The following NKAIN2 variants were observed in gnomAD, a reference collection of about 807,000 sequenced individuals.
NKAIN2 encodes sodium/potassium transporting ATPase interacting 2, also known as sodium/potassium-transporting ATPase subunit beta-1-interacting protein 2.
In NKAIN2, 14 loss-of-function variants were observed where a neutral mutation model predicts 32.6. That is an observed-to-expected ratio of 0.43 (90% confidence interval 0.28 to 0.67). The LOEUF is 0.67. Ranked by LOEUF, NKAIN2 falls within the 30% of genes least tolerant of loss-of-function variation. The pLI, the probability that NKAIN2 is intolerant of heterozygous loss-of-function variation, is 0.17. For missense variants in NKAIN2, 198 were observed against 258.3 expected, an observed-to-expected ratio of 0.77 and a Z score of 1.60; for synonymous variants, 80 against 87.2, an observed-to-expected ratio of 0.92 and a Z score of 0.46.
At chr6:124,064,331 T>C (rs1296673213) in intron 1 of NKAIN2, among the ~76,000 whole-genome samples, 1 of 152,170 alleles carries the variant, frequency 6.6e-6, no homozygotes, top group African/African-American at 2.4e-5. Context: ...TTTGTGCTTT[T>C]GCTAAAAAAA....
chr6:124,358,254 A>G (rs1244990805), intron 3 of NKAIN2, among the ~76,000 whole-genome samples: 2 of 152,134 alleles, frequency 1.3e-5, no homozygotes, highest in African/African-American at 2.4e-5. Flanking sequence ...ATGTGTCTTT[A>G]TAGCAGCATG....
At chr6:124,718,712 C>T (rs1269124714) in intron 4 of NKAIN2, among the ~76,000 whole-genome samples, 2 of 152,140 alleles carry the variant, frequency 1.3e-5, no homozygotes, top group African/African-American at 4.8e-5. Context: ...TTCTCTGAGC[C>T]TCGGTTTTTT....
chr6:124,494,766 G>A (rs1008729705), intron 3 of NKAIN2, among the ~76,000 whole-genome samples: 4 of 151,966 alleles, frequency 2.6e-5, no homozygotes, highest in African/African-American at 4.8e-5. Context: ...TGTTTAAGTC[G>A]ATGCCTATTT....
At chr6:124,030,379 T>C (rs1232645269) in intron 1 of NKAIN2, among the ~76,000 whole-genome samples, 20 of 152,286 alleles carry the variant, frequency 1.3e-4, no homozygotes, top group East Asian at 1.9e-4. Flanking sequence ...AGATGTTCCA[T>C]TGCCTCCATA....
intron 1 of NKAIN2, among the ~76,000 whole-genome samples, chr6:124,185,997 A>G (rs1789707075): frequency 7.1e-6 from 1 of 141,290 alleles, no homozygotes; most frequent in East Asian, 1.9e-4. Flanking sequence ...AGAAGCTCGG[A>G]AAAAAGAAAA....
At chr6:124,030,500 A>G (rs753903594) in intron 1 of NKAIN2, among the ~76,000 whole-genome samples, 65 of 152,294 alleles carry the variant, frequency 4.3e-4, no homozygotes, top group Non-Finnish European at 8.2e-4. Flanking sequence ...CTTACTATGT[A>G]GAATGCAAAA....
chr6:124,042,143 T>C (rs1288266896), intron 1 of NKAIN2, among the ~76,000 whole-genome samples: 1 of 152,128 alleles, frequency 6.6e-6, no homozygotes, highest in Non-Finnish European at 1.5e-5. Flanking sequence ...CTTCAAATTG[T>C]GTCTTAATAA....
At chr6:123,841,329 T>C (rs1015679179) in intron 1 of NKAIN2, among the ~76,000 whole-genome samples, 1 of 152,206 alleles carries the variant, frequency 6.6e-6, no homozygotes, top group African/African-American at 2.4e-5. Flanking sequence ...CAAAGTAAAC[T>C]GGCCTAACAT....
At chr6:124,363,161 T>C (rs998960531) in intron 3 of NKAIN2, among the ~76,000 whole-genome samples, 2 of 152,126 alleles carry the variant, frequency 1.3e-5, no homozygotes, top group Admixed American at 6.6e-5. Context: ...ACTACTAAAA[T>C]CCTTATAAAT....
chr6:124,751,577 GC>G (rs1453791928), intron 4 of NKAIN2, among the ~76,000 whole-genome samples: 1 of 151,886 alleles, frequency 6.6e-6, no homozygotes, highest in Non-Finnish European at 1.5e-5. Flanking sequence ...TTATCATAGT[GC>G]AGCTCAGCAG....
intron 1 of NKAIN2, among the ~76,000 whole-genome samples, chr6:124,073,542 T>C (rs1388420348): frequency 6.6e-6 from 1 of 152,130 alleles, no homozygotes. Flanking sequence ...TAGATTTCCC[T>C]CCCCAGCTGA....
intron 2 of NKAIN2, among the ~76,000 whole-genome samples, chr6:124,294,146 A>G (rs1795945316): frequency 6.6e-6 from 1 of 152,100 alleles, no homozygotes; most frequent in Non-Finnish European, 1.5e-5. Flanking sequence ...ACTGGTGAGA[A>G]CCCAGTTCTG....
Position 123,995,165 on chromosome 6 carries a change from A to G in NKAIN2, c.54+190911A>G, listed in dbSNP as rs9491036. ...GAAACACGAGAATTGCATCCTCAGG[A>G]CATTACAATATACTGGGGGAGATGA... On this transcript the variant is annotated intron_variant, in intron 1 of 6. Coordinates refer to ENST00000368417, the MANE Select transcript of NKAIN2 (RefSeq NM_001040214.3). Among the ~76,000 whole-genome samples the G allele has an allele frequency of 2.2e-3, 340 of 152,298 alleles. 5 individuals are homozygous for G. Among genetic ancestry groups the G allele is most frequent in the African/African-American group, 7.3e-3 (305 of 41,564 alleles).
intron 1 of NKAIN2, among the ~76,000 whole-genome samples, chr6:123,928,420 T>A (rs1212356072): frequency 6.6e-6 from 1 of 152,186 alleles, no homozygotes; most frequent in Non-Finnish European, 1.5e-5. Flanking sequence ...TTGAAAATTT[T>A]AAAAAATGAA....
intron 3 of NKAIN2, among the ~76,000 whole-genome samples, chr6:124,477,861 T>A (rs1448307734): frequency 6.9e-6 from 1 of 145,810 alleles, no homozygotes; most frequent in Non-Finnish European, 1.5e-5. Context: ...TTCCTCTCTC[T>A]CTCTCTCAAT....
At chr6:124,804,419 TATG>T in intron 5 of NKAIN2, 1 of 714,898 alleles carries the variant, frequency 1.4e-6, no homozygotes, top group Non-Finnish European at 1.7e-6. Flanking sequence ...CTTTATTTAT[TATG>T]ATACTATTAT....
chr6:123,847,993 C>G (rs1562216693), intron 1 of NKAIN2, among the ~76,000 whole-genome samples: 1 of 152,036 alleles, frequency 6.6e-6, no homozygotes, highest in Non-Finnish European at 1.5e-5. Context: ...CGTTCTAGCT[C>G]CTAGAGCAGT....
chr6:124,311,482 C>G lies in NKAIN2; in HGVS notation c.192+28340C>G, dbSNP rs541558521. 7.2e-5 allele frequency among the ~76,000 whole-genome samples: 11 copies of G among 152,198 alleles called. No individual in the cohort carries two copies. The South Asian group carries it at 2.3e-3, about 32-fold the overall frequency. Reference sequence around the variant, plus strand: ...GCCACCCTGAAAATATTTATATATCCACTGCCACCATGGAAAAATCATAGA... The same window carrying G: ...GCCACCCTGAAAATATTTATATATCGACTGCCACCATGGAAAAATCATAGA... On this transcript the variant is annotated intron_variant, in intron 2 of 6. Coordinates refer to ENST00000368417, the MANE Select transcript of NKAIN2 (RefSeq NM_001040214.3).
At chr6:124,358,619 G>A (rs1386365532) in intron 3 of NKAIN2, among the ~76,000 whole-genome samples, 1 of 151,906 alleles carries the variant, frequency 6.6e-6, no homozygotes, top group East Asian at 1.9e-4. Context: ...TTTTTGATGG[G>A]GTTGTTTTTT....
Sources: allele counts gnomAD v4.1 joint callset (sites outside exome capture counted in the v4.1 genomes callset), GRCh38; gene constraint gnomAD v4.1.1; transcripts MANE v1.5; gene names NCBI Gene and HGNC (gene_info 2026-07-23, HGNC 2026-07-21).